DENND5A: variants seen among roughly 807,000 people sequenced by gnomAD.
The protein encoded by DENND5A is DENN domain-containing protein 5A.
In DENND5A, 64 loss-of-function variants were observed where a neutral mutation model predicts 140.3. That is an observed-to-expected ratio of 0.46 (90% confidence interval 0.37 to 0.56). The LOEUF is 0.56. DENND5A is among the 20% of genes least tolerant of loss of function. The probability of loss-of-function intolerance (pLI) is 0.00; values close to 1 mark genes in which losing one functional copy is unlikely to be tolerated. For synonymous variants in DENND5A, 605 were observed against 607.7 expected (o/e 1.00, Z 0.07); for missense variants, 1,292 against 1,593.8 (o/e 0.81, Z 3.22).
chr11:9,252,653 A>G (rs992963673), intron 1 of DENND5A, among the ~76,000 whole-genome samples: 1 of 152,122 alleles, frequency 6.6e-6, no homozygotes, highest in Non-Finnish European at 1.5e-5. Flanking sequence ...CTCAAAAAAA[A>G]AAACCAAAAA....
intron 1 of DENND5A, among the ~76,000 whole-genome samples, chr11:9,227,710 C>A (rs974461163): frequency 6.6e-6 from 1 of 151,904 alleles, no homozygotes; most frequent in Non-Finnish European, 1.5e-5. Flanking sequence ...TGTAATCTAA[C>A]ACTATGGGAG....
rs774013864 is a variant in DENND5A, at chr11:9,165,896, T to C, written c.2223A>G (p.Ser741=). 8 of 1,613,960 alleles carry C rather than the reference T, an allele frequency of 5.0e-6. No individual in the cohort carries two copies. In the South Asian group the frequency reaches 7.7e-5, roughly 16 times the overall value. ...RQPKLSNLSP[S]VIAQTNWKFV... Reference sequence around the variant, plus strand: ...ACTTCCAATTGGTCTGGGCAATCACTGATGGAGAGAGGTTGGACAGTTTGG... The same window carrying C: ...ACTTCCAATTGGTCTGGGCAATCACCGATGGAGAGAGGTTGGACAGTTTGG... Residue 741 remains serine (S), a synonymous_variant, in exon 11 of 23, where the codon TCA becomes TCG. Transcript: ENST00000328194.
intron 1 of DENND5A, among the ~76,000 whole-genome samples, chr11:9,223,075 T>C (rs1031732075): frequency 2.0e-5 from 3 of 152,212 alleles, no homozygotes; most frequent in Non-Finnish European, 4.4e-5. Context: ...GAATACAAGC[T>C]GCTTGTCTCT....
rs180723099 is a variant in DENND5A at position 9,176,893 on chromosome 11, T to C, written c.1906+1239A>G. 1.4e-3 allele frequency: 657 copies of C among 456,238 alleles called. 3 individuals carry two copies. The highest frequency in any genetic ancestry group is 2.3e-3 in the South Asian group (149 of 64,568). 28.3% of individuals were successfully genotyped at this position (456,238 alleles called of 1,614,324 possible). A position where few individuals can be genotyped will look rare whatever the true frequency, so the allele number is the denominator to read the frequency against. On this transcript the variant is annotated intron_variant, in intron 8 of 22. Coordinates refer to ENST00000328194, the MANE Select transcript of DENND5A (RefSeq NM_015213.4). ...TGCACTTGAGGTTGATCATATAATA[T>C]GATTTTGGCCTATGAGACAATGAAA... is the stretch of plus-strand genomic sequence containing the variant.
chr11:9,257,515 A>T (rs1851997669), intron 1 of DENND5A, among the ~76,000 whole-genome samples: 1 of 131,938 alleles, frequency 7.6e-6, no homozygotes, highest in South Asian at 2.5e-4. Flanking sequence ...GGAGTCTCAC[A>T]CTGTTGCCCA....
chr11:9,210,051 G>T (rs1490746938), intron 1 of DENND5A, among the ~76,000 whole-genome samples: 1 of 151,844 alleles, frequency 6.6e-6, no homozygotes, highest in Non-Finnish European at 1.5e-5. Context: ...AGGTTGCAGT[G>T]AGCTGAGATC....
chr11:9,181,994 C>T (rs1848747789), intron 5 of DENND5A, among the ~76,000 whole-genome samples: 2 of 152,188 alleles, frequency 1.3e-5, no homozygotes, highest in South Asian at 4.1e-4. Flanking sequence ...AGTGCTCACA[C>T]ACTGCTGATG....
Position 9,170,638 on chromosome 11 carries a change from T to C in DENND5A, c.2046A>G (p.Pro682=), listed in dbSNP as rs773340004. ...TGGGGTTGACTCACTTGTTGCTGGC[T>C]GGCCCAGTGGAAAGTACATCAGACT... is the stretch of plus-strand genomic sequence containing the variant. ...KLQSDVLSTG[P]ASNKWTKRNA... Residue 682 remains proline, a synonymous_variant, in exon 9 of 23, where the codon CCA becomes CCG. Transcript: ENST00000328194. The C allele has an allele frequency of 6.2e-6, 10 of 1,613,830 alleles. No homozygotes were observed. The African/African-American group carries it at 1.1e-4, about 17-fold the overall frequency.
At chr11:9,264,404 C>T (rs1001377688) in intron 1 of DENND5A, among the ~76,000 whole-genome samples, 3 of 152,262 alleles carry the variant, frequency 2.0e-5, no homozygotes, top group East Asian at 1.9e-4. Context: ...AGTTCCTACT[C>T]TTCTTGGTGC....
At chr11:9,172,808 C>T (rs1436690061) in intron 8 of DENND5A, among the ~76,000 whole-genome samples, 1 of 151,960 alleles carries the variant, frequency 6.6e-6, no homozygotes, top group East Asian at 1.9e-4. Flanking sequence ...AGAGGAGCGA[C>T]ATCTTTTTTT....
In DENND5A at chr11:9,139,370, C is replaced by A. The variant is rs1364136115; in HGVS notation, c.*301G>T. On this transcript the variant is annotated 3_prime_UTR_variant, in exon 23 of 23. Coordinates refer to ENST00000328194, the MANE Select transcript of DENND5A (RefSeq NM_015213.4). Reference sequence around the variant, plus strand: ...CCGCACGCAGTGCCACAGGCTCAGTCCAGGGAGGCCTCAGGCTTCCAGCAT... The same window carrying A: ...CCGCACGCAGTGCCACAGGCTCAGTACAGGGAGGCCTCAGGCTTCCAGCAT... 2.6e-6 allele frequency: 1 copy of A among 391,666 alleles called. No individual in the cohort carries two copies. Among genetic ancestry groups the A allele is most frequent in the Non-Finnish European group, 4.7e-6 (1 of 211,684 alleles). 24.3% of individuals were successfully genotyped at this position (391,666 alleles called of 1,614,324 possible). A position where few individuals can be genotyped will look rare whatever the true frequency, so the allele number is the denominator to read the frequency against.
At chr11:9,182,442 C>G (rs951358836) in intron 5 of DENND5A, among the ~76,000 whole-genome samples, 2 of 152,252 alleles carry the variant, frequency 1.3e-5, no homozygotes, top group East Asian at 3.8e-4. Flanking sequence ...TTAACTAGTA[C>G]AGCTGGGACT....
In DENND5A at chr11:9,139,089, G is replaced by A. The variant is rs1427986248; in HGVS notation, c.*582C>T. 1 of 152,636 alleles carries A rather than the reference G, an allele frequency of 6.6e-6. No individual in the cohort carries two copies. Among genetic ancestry groups the A allele is most frequent in the Non-Finnish European group, 1.5e-5 (1 of 68,056 alleles). 9.5% of individuals were successfully genotyped at this position (152,636 alleles called of 1,614,324 possible). A position where few individuals can be genotyped will look rare whatever the true frequency, so the allele number is the denominator to read the frequency against. On this transcript the variant is annotated 3_prime_UTR_variant, in exon 23 of 23. Transcript: ENST00000328194. ...CAACAGGAAATGTGGTATTTGGCAC[G>A]ATGACACATCCCGGCATGTCTCCTT...
intron 1 of DENND5A, among the ~76,000 whole-genome samples, chr11:9,207,991 T>C (rs1007424016): frequency 6.6e-6 from 1 of 152,168 alleles, no homozygotes; most frequent in Non-Finnish European, 1.5e-5. Flanking sequence ...AAGTATACTA[T>C]CCCAAATATT....
Position 9,203,921 on chromosome 11 carries a change from C to A in DENND5A, c.688G>T (p.Val230Phe). The change falls in exon 4 of 23, where the codon GTC (valine) becomes TTC (phenylalanine). Residue 230 changes from valine to phenylalanine, a missense_variant. Val to Phe is a conservative substitution (Grantham distance 50). Around this residue, in one of 4 missense-constraint regions of DENND5A, gnomAD observed 566 missense variants for 650.4 expected, o/e 0.87. Coordinates refer to ENST00000328194, the MANE Select transcript of DENND5A (RefSeq NM_015213.4). ...AGTGGAGGGGGCTGAGGTGAAGTGACTGCCTGGTGGAGTTGCTCCAGCACG... is the reference window on the plus strand; with the variant it reads ...AGTGGAGGGGGCTGAGGTGAAGTGAATGCCTGGTGGAGTTGCTCCAGCACG... ...RSVLEQLHQA[V>F]TSPQPPPLPL... The A allele has an allele frequency of 6.2e-7, 1 of 1,614,110 alleles. No homozygotes were observed.
intron 1 of DENND5A, among the ~76,000 whole-genome samples, chr11:9,257,698 A>G (rs541347663): frequency 7.8e-4 from 118 of 150,782 alleles, no homozygotes; most frequent in South Asian, 2.1e-3. Flanking sequence ...TAGCCAGGAT[A>G]GTCTCGATCT....
intron 12 of DENND5A, among the ~76,000 whole-genome samples, chr11:9,159,361 C>T (rs1847906932): frequency 6.8e-6 from 1 of 146,138 alleles, no homozygotes; most frequent in African/African-American, 2.5e-5. Flanking sequence ...ACTCTTGTTG[C>T]CTAGGCTGGA....
intron 9 of DENND5A, 124 bp downstream of exon 9, chr11:9,170,503 G>T: frequency 8.1e-7 from 1 of 1,230,556 alleles, no homozygotes; most frequent in South Asian, 1.5e-5. Flanking sequence ...AGATAGTCTG[G>T]GTCTTCTCCA....
intron 12 of DENND5A, among the ~76,000 whole-genome samples, chr11:9,154,189 G>A (rs540315009): frequency 5.3e-5 from 8 of 152,216 alleles, no homozygotes; most frequent in African/African-American, 1.9e-4. Flanking sequence ...TTTAATTAAT[G>A]CTCCCAACAG....
Sources: gnomAD v4.1 joint callset for allele counts (sites outside exome capture counted in the v4.1 genomes callset) on GRCh38, gnomAD v4.1.1 for gene constraint, gnomAD v4.1.1 regional missense constraint, MANE v1.5 for transcripts, NCBI Gene and HGNC (gene_info 2026-07-23, HGNC 2026-07-21) for gene names.